ANKFN1: variants seen among roughly 807,000 people sequenced by gnomAD.
ANKFN1 encodes ankyrin repeat and fibronectin type III domain containing 1.
Under a neutral mutation model 108.7 loss-of-function variants are expected in ANKFN1, and 74 were observed. The observed-to-expected ratio is 0.68, with a 90% CI of 0.56 to 0.83. ANKFN1 has a LOEUF of 0.83. Among genes scored for constraint, ANKFN1 ranks in the 40% least tolerant of loss-of-function variants. ANKFN1 has a pLI of 0.00. For synonymous variants in ANKFN1, 547 were observed against 516.2 expected (o/e 1.06, Z -0.81); for missense variants, 1,505 against 1,382.3 (o/e 1.09, Z -1.41).
In ANKFN1 at chr17:56,494,303, C is replaced by T. The variant is rs1010383101; in HGVS notation, c.2427+1950C>T. On this transcript the variant is annotated intron_variant, in intron 19 of 20. Coordinates refer to ENST00000682825, the MANE Select transcript of ANKFN1 (RefSeq NM_001370326.1). Reference sequence around the variant, plus strand: ...GAATGTAGAATTTAAACATTCAAAACATTTACTTCATTGATTTCATTTCCA... The same window carrying T: ...GAATGTAGAATTTAAACATTCAAAATATTTACTTCATTGATTTCATTTCCA... Among the ~76,000 whole-genome samples, 3 of 152,128 alleles carry T rather than the reference C, an allele frequency of 2.0e-5. No homozygotes were observed. In the South Asian group the frequency reaches 6.2e-4, roughly 32 times the overall value.
intron 3 of ANKFN1, among the ~76,000 whole-genome samples, chr17:56,321,482 G>C (rs372091403): frequency 6.7e-6 from 1 of 150,178 alleles, no homozygotes; most frequent in African/African-American, 2.4e-5. Flanking sequence ...AAAAATCTTC[G>C]CTGAAAAAAA....
intron 8 of ANKFN1, among the ~76,000 whole-genome samples, chr17:56,379,711 A>G (rs1759792553): frequency 6.6e-6 from 1 of 152,312 alleles, no homozygotes; most frequent in South Asian, 2.1e-4. Context: ...AGGTATCATC[A>G]TTCTCCTATT....
chr17:56,259,423 T>C (rs1444142073), intron 3 of ANKFN1, among the ~76,000 whole-genome samples: 1 of 152,224 alleles, frequency 6.6e-6, no homozygotes, highest in Non-Finnish European at 1.5e-5. Flanking sequence ...CATTTGGTTT[T>C]TGGTAAGTAC....
chr17:56,188,969 G>C (rs561462529), intron 1 of ANKFN1, among the ~76,000 whole-genome samples: 9 of 151,862 alleles, frequency 5.9e-5, no homozygotes, highest in Non-Finnish European at 1.2e-4. Context: ...ATGTGGTGAA[G>C]CCTCTGTAAA....
At chr17:56,152,260 ATATGTGTGTGTGTGTGTGTGTG>A (rs759808978), upstream of ANKFN1, among the ~76,000 whole-genome samples, 5 of 128,626 alleles carry the variant, frequency 3.9e-5, no homozygotes, top group Non-Finnish European at 6.5e-5. Flanking sequence ...ATATATATAT[ATATGTGTGTGTGTGTGTGTGTG>A]TGTGTGTGTG....
chr17:56,338,092 G>T (rs1158342813), intron 4 of ANKFN1, among the ~76,000 whole-genome samples: 3 of 152,158 alleles, frequency 2.0e-5, no homozygotes. Context: ...AGAAAATGTG[G>T]CACATATACA....
At chr17:56,142,762 C>T (rs1908000624) in intron 4 of ANKFN1, among the ~76,000 whole-genome samples, 1 of 152,196 alleles carries the variant, frequency 6.6e-6, no homozygotes, top group Non-Finnish European at 1.5e-5. Context: ...CTTTGATACA[C>T]CTTTTCCAGT....
At chr17:56,312,266 T>A (rs766905982) in intron 3 of ANKFN1, among the ~76,000 whole-genome samples, 3 of 152,164 alleles carry the variant, frequency 2.0e-5, no homozygotes, top group Admixed American at 1.3e-4. Context: ...TGTGAGAAGG[T>A]GCTTGATATT....
chr17:56,115,097 G>A (rs981625473), intron 4 of ANKFN1, among the ~76,000 whole-genome samples: 1 of 152,208 alleles, frequency 6.6e-6, no homozygotes, highest in Non-Finnish European at 1.5e-5. Flanking sequence ...TACTAAGTTT[G>A]TGGTAATTTA....
intron 3 of ANKFN1, among the ~76,000 whole-genome samples, chr17:56,306,356 C>T (rs556808424): frequency 1.3e-5 from 2 of 152,280 alleles, no homozygotes; most frequent in South Asian, 4.2e-4. Flanking sequence ...TTTCAGCATA[C>T]AAGTCCTGTA....
intron 2 of ANKFN1, chr17:56,224,589 C>A (rs990828332): frequency 1.3e-5 from 2 of 152,172 alleles, no homozygotes; most frequent in African/African-American, 4.8e-5. Context: ...CAGCATAGAA[C>A]ACTCAGAAAT....
At chr17:56,308,134 G>A (rs368326750) in intron 3 of ANKFN1, among the ~76,000 whole-genome samples, 1 of 151,892 alleles carries the variant, frequency 6.6e-6, no homozygotes, top group Non-Finnish European at 1.5e-5. Context: ...TATACCTAAT[G>A]TTAAATGACG....
intron 2 of ANKFN1, among the ~76,000 whole-genome samples, chr17:56,225,167 T>G (rs1916171092): frequency 6.6e-6 from 1 of 152,150 alleles, no homozygotes; most frequent in African/African-American, 2.4e-5. Flanking sequence ...CAGTTCCTCC[T>G]GCCCAGGGTC....
At chr17:56,386,041 A>C (rs1249408145) in intron 8 of ANKFN1, among the ~76,000 whole-genome samples, 6 of 152,214 alleles carry the variant, frequency 3.9e-5, no homozygotes, top group Non-Finnish European at 8.8e-5. Flanking sequence ...TTGCGGCACT[A>C]TTCACAATAG....
At chr17:56,262,891 C>T (rs2043554513) in intron 3 of ANKFN1, among the ~76,000 whole-genome samples, 2 of 152,144 alleles carry the variant, frequency 1.3e-5, no homozygotes, top group African/African-American at 4.8e-5. Context: ...AAGACTTTTC[C>T]CCCCTTTGTC....
In ANKFN1 at chr17:56,372,709, T is replaced by C; in HGVS notation, c.665T>C (p.Val222Ala). The C allele has an allele frequency of 6.2e-7, 1 of 1,613,598 alleles. No individual in the cohort carries two copies. Among genetic ancestry groups the C allele is most frequent in the Non-Finnish European group, 8.5e-7 (1 of 1,179,876 alleles). ...NTLVQEAQER[V>A]SELSAQVENE... ...CTGGTCCAGGAAGCCCAGGAGAGGGTGAGTGAACTGTCTGCCCAGGTGGAG... is the reference window on the plus strand; with the variant it reads ...CTGGTCCAGGAAGCCCAGGAGAGGGCGAGTGAACTGTCTGCCCAGGTGGAG... The change falls in exon 7 of 21, where the codon GTG (valine) becomes GCG (alanine). Residue 222 changes from valine to alanine, a missense_variant. Physicochemically the swap from Val to Ala is moderately conservative, Grantham distance 64 (BLOSUM62 0). Transcript: ENST00000682825.
intron 2 of ANKFN1, among the ~76,000 whole-genome samples, chr17:56,215,143 A>G (rs1290015499): frequency 6.6e-6 from 1 of 152,168 alleles, no homozygotes; most frequent in African/African-American, 2.4e-5. Flanking sequence ...TTTTGTGGCC[A>G]AGTAATTTGG....
At position 56,444,824 on chromosome 17, in the gene ANKFN1, C is replaced by T. The variant is rs139836723; in HGVS notation, c.1099+1891C>T. Among the ~76,000 whole-genome samples, 64 of 152,208 alleles carry T rather than the reference C, an allele frequency of 4.2e-4. 2 individuals carry two copies. The East Asian group carries it at 0.011, about 27-fold the overall frequency. On this transcript the variant is annotated intron_variant, in intron 10 of 20. Coordinates refer to ENST00000682825, the MANE Select transcript of ANKFN1 (RefSeq NM_001370326.1). The stretch of plus-strand genomic sequence containing the variant: ...TCACAACACTGGTACATGGCTGAAC[C>T]AGGACTCTAGCCTGAATTGGTCATC...
At chr17:56,324,170 G>A (rs1028479725) in intron 3 of ANKFN1, among the ~76,000 whole-genome samples, 1 of 152,132 alleles carries the variant, frequency 6.6e-6, no homozygotes, top group Non-Finnish European at 1.5e-5. Flanking sequence ...ATAGAAAGGT[G>A]GTGAGAAATT....
Sources: allele counts gnomAD v4.1 joint callset (sites outside exome capture counted in the v4.1 genomes callset), GRCh38; gene constraint gnomAD v4.1.1; transcripts MANE v1.5; gene names NCBI Gene and HGNC (gene_info 2026-07-23, HGNC 2026-07-21).